The following KIAA1217 variants were observed in gnomAD, a reference collection of about 807,000 sequenced individuals.
KIAA1217 encodes KIAA1217.
A neutral mutation model predicts 163.9 loss-of-function variants in KIAA1217; 88 were observed. The observed-to-expected ratio is 0.54, with a 90% CI of 0.45 to 0.64. KIAA1217 has a LOEUF of 0.64. Ranked by LOEUF, KIAA1217 falls within the 30% of genes least tolerant of loss-of-function variation. KIAA1217 has a pLI of 0.00. For synonymous variants in KIAA1217, 903 were observed against 923.1 expected (o/e 0.98, Z 0.39); for missense variants, 2,372 against 2,475.0 (o/e 0.96, Z 0.88).
intron 1 of KIAA1217, among the ~76,000 whole-genome samples, chr10:23,853,026 C>G (rs1025316767): frequency 2.6e-5 from 4 of 152,144 alleles, no homozygotes; most frequent in Non-Finnish European, 5.9e-5. Context: ...GCCTAATTGC[C>G]CCGGCCAGAA....
chr10:24,437,831 C>A (rs1308608301), intron 4 of KIAA1217, among the ~76,000 whole-genome samples: 10 of 115,648 alleles, frequency 8.6e-5, no homozygotes, highest in African/African-American at 3.3e-4. Context: ...GATATTAGAT[C>A]TTTTTGGTAC....
chr10:24,168,037 T>G (rs11013927), intron 2 of KIAA1217, among the ~76,000 whole-genome samples: 1 of 151,972 alleles, frequency 6.6e-6, no homozygotes, highest in Admixed American at 6.6e-5. Context: ...GCACTGGGGG[T>G]TAGGTTTCCA....
intron 1 of KIAA1217, among the ~76,000 whole-genome samples, chr10:24,210,563 C>A (rs1359185335): frequency 6.6e-6 from 1 of 151,074 alleles, no homozygotes; most frequent in Non-Finnish European, 1.5e-5. Context: ...CTAGAGGGGC[C>A]ATTAGAAAGG....
chr10:23,911,948 C>T (rs1275326530), intron 1 of KIAA1217, among the ~76,000 whole-genome samples: 3 of 152,106 alleles, frequency 2.0e-5, no homozygotes, highest in Non-Finnish European at 2.9e-5. Context: ...ACAAATCATA[C>T]CCTCCACTAC....
intron 2 of KIAA1217, among the ~76,000 whole-genome samples, chr10:24,225,100 C>T (rs1285001093): frequency 6.6e-6 from 1 of 152,152 alleles, no homozygotes; most frequent in Admixed American, 6.5e-5. Flanking sequence ...GCTGGGATTA[C>T]AGGCGTGAGC....
chr10:24,407,293 TGTGCGTGCGC>T (rs1191785457), intron 3 of KIAA1217, among the ~76,000 whole-genome samples: 3 of 151,782 alleles, frequency 2.0e-5, no homozygotes, highest in Non-Finnish European at 2.9e-5. Context: ...TGTGCGTGCG[TGTGCGTGCGC>T]GTGCGCATGT....
intron 2 of KIAA1217, among the ~76,000 whole-genome samples, chr10:24,325,098 T>TC (rs939840887): frequency 6.8e-4 from 103 of 152,230 alleles, no homozygotes; most frequent in Middle Eastern, 3.4e-3. Flanking sequence ...CAAAGAACAA[T>TC]CCATAGTCAC....
chr10:24,491,710 G>A (rs1273475116), intron 6 of KIAA1217, among the ~76,000 whole-genome samples: 3 of 152,170 alleles, frequency 2.0e-5, no homozygotes, highest in Non-Finnish European at 4.4e-5. Flanking sequence ...TGTGGCCAGC[G>A]ATGGAATCCC....
At chr10:23,713,307 C>T (rs540928296) in intron 1 of KIAA1217, among the ~76,000 whole-genome samples, 10 of 152,154 alleles carry the variant, frequency 6.6e-5, no homozygotes, top group South Asian at 2.1e-4. Flanking sequence ...TTTCTAAGAC[C>T]GTAAGGCCAA....
At chr10:23,742,220 A>G (rs926823078) in intron 1 of KIAA1217, among the ~76,000 whole-genome samples, 1 of 152,150 alleles carries the variant, frequency 6.6e-6, no homozygotes, top group Non-Finnish European at 1.5e-5. Context: ...GCCTGAGTCA[A>G]TAAGTCCTTG....
chr10:24,461,324 CTTTT>C (rs1290711096), intron 5 of KIAA1217, among the ~76,000 whole-genome samples: 2 of 151,926 alleles, frequency 1.3e-5, no homozygotes, highest in Non-Finnish European at 1.5e-5. Context: ...GCATAACATT[CTTTT>C]TTTGTTTTTG....
At chr10:24,234,873 G>T (rs115280956) in intron 2 of KIAA1217, among the ~76,000 whole-genome samples, 1 of 152,098 alleles carries the variant, frequency 6.6e-6, no homozygotes, top group African/African-American at 2.4e-5. Context: ...CTATTTAAAT[G>T]CGAAACAATG....
chr10:23,733,394 T>C (rs7075430), intron 1 of KIAA1217, among the ~76,000 whole-genome samples: 33,097 of 151,998 alleles, frequency 0.22, 3,803 homozygotes, highest in African/African-American at 0.28. Flanking sequence ...GTACAATCAT[T>C]TTTGGTATCA....
At chr10:24,518,874 C>T (rs1336778713) in intron 10 of KIAA1217, among the ~76,000 whole-genome samples, 1 of 152,164 alleles carries the variant, frequency 6.6e-6, no homozygotes, top group Non-Finnish European at 1.5e-5. Flanking sequence ...ATCATTTCAT[C>T]TGAAATGGCC....
intron 1 of KIAA1217, among the ~76,000 whole-genome samples, chr10:23,929,587 A>C (rs1843169589): frequency 6.6e-6 from 1 of 152,042 alleles, no homozygotes; most frequent in Non-Finnish European, 1.5e-5. Flanking sequence ...TCCTGTGTTA[A>C]TTTGCTTAAG....
chr10:23,779,501 C>A (rs1835160736), intron 1 of KIAA1217, among the ~76,000 whole-genome samples: 1 of 152,044 alleles, frequency 6.6e-6, no homozygotes, highest in South Asian at 2.1e-4. Flanking sequence ...TCGGTCAAGG[C>A]CAGGTGACTA....
intron 1 of KIAA1217, among the ~76,000 whole-genome samples, chr10:23,738,719 A>G (rs1272924110): frequency 6.8e-6 from 1 of 146,900 alleles, no homozygotes; most frequent in East Asian, 2.0e-4. Context: ...TTGGGCAGAC[A>G]GAATTTATGG....
intron 3 of KIAA1217, among the ~76,000 whole-genome samples, chr10:24,426,823 G>A (rs1416273294): frequency 6.6e-6 from 1 of 152,222 alleles, no homozygotes; most frequent in Non-Finnish European, 1.5e-5. Context: ...TGCACCGTAA[G>A]AGGTCCAGTC....
In KIAA1217 at chr10:24,491,312, CAG is replaced by C. The variant is rs1205559372; in HGVS notation, c.1680-3185_1680-3184del. On this transcript the variant is annotated intron_variant, in intron 6 of 20. Coordinates refer to ENST00000376454, the MANE Select transcript of KIAA1217 (RefSeq NM_019590.5). Reference sequence around the variant, plus strand: ...TTTTTTTTTTTTTTTTTTTTTGAGACAGAGTCTCGCTCTGTCTCCCAGGCTGG... The same window carrying C: ...TTTTTTTTTTTTTTTTTTTTTGAGACAGTCTCGCTCTGTCTCCCAGGCTGG... 1.0e-4 allele frequency among the ~76,000 whole-genome samples: 11 copies of C among 106,772 alleles called. No homozygotes were observed. The East Asian group carries it at 3.4e-3, about 33-fold the overall frequency. 70.0% of individuals were successfully genotyped at this position (106,772 alleles called of 152,430 possible). A position where few individuals can be genotyped will look rare whatever the true frequency, so the allele number is the denominator to read the frequency against.
Sources: gnomAD v4.1 joint callset for allele counts (sites outside exome capture counted in the v4.1 genomes callset) on GRCh38, gnomAD v4.1.1 for gene constraint, MANE v1.5 for transcripts, NCBI Gene and HGNC (gene_info 2026-07-23, HGNC 2026-07-21) for gene names.